Variants in RFX2 observed in about 807,000 individuals in gnomAD.
RFX2 encodes regulatory factor X2.
In RFX2, 20 loss-of-function variants were observed where a neutral mutation model predicts 87.8. The observed-to-expected ratio is 0.23, with a 90% CI of 0.16 to 0.33. The LOEUF is 0.33. Among genes scored for constraint, RFX2 ranks in the 10% least tolerant of loss-of-function variants. RFX2 has a pLI of 1.00. For synonymous variants in RFX2, 397 were observed against 431.3 expected (o/e 0.92, Z 0.98); for missense variants, 767 against 1,012.3 (o/e 0.76, Z 3.29).
At chr19:6,058,798 T>C (rs1051078037) in intron 1 of RFX2, among the ~76,000 whole-genome samples, 2 of 152,116 alleles carry the variant, frequency 1.3e-5, no homozygotes, top group African/African-American at 4.8e-5. Context: ...CCTTGACAAC[T>C]GGCCTGAGAA....
chr19:6,097,004 G>T (rs2088039532), intron 1 of RFX2, among the ~76,000 whole-genome samples: 1 of 152,208 alleles, frequency 6.6e-6, no homozygotes, highest in African/African-American at 2.4e-5. Flanking sequence ...GCATGAGAGG[G>T]TCTGAACTGG....
intron 1 of RFX2, among the ~76,000 whole-genome samples, chr19:6,087,740 G>A (rs2087873126): frequency 6.6e-6 from 1 of 152,158 alleles, no homozygotes; most frequent in Non-Finnish European, 1.5e-5. Context: ...GGAGGTTTCA[G>A]CTCCAAATCA....
Position 6,013,075 on chromosome 19 carries a change from A to T in RFX2, c.810T>A (p.Ile270=). Residue 270 remains isoleucine (I), a synonymous_variant, in exon 8 of 18, where the codon ATT becomes ATA. Coordinates refer to ENST00000303657, the MANE Select transcript of RFX2 (RefSeq NM_000635.4). This position sits in a 1 kb window ranked among gnomAD's most constrained non-coding sequence, Gnocchi z 4.1. ...RGNSKYHYYG[I]RLKPDSPLNR... Reference sequence around the variant, plus strand: ...TCAGTGGTGAGTCCGGCTTCAGACGAATCCCATAGTAATGGTACTTCGAGT... The same window carrying T: ...TCAGTGGTGAGTCCGGCTTCAGACGTATCCCATAGTAATGGTACTTCGAGT... 6.3e-7 allele frequency: 1 copy of T among 1,599,512 alleles called. No homozygotes were observed. Among genetic ancestry groups the T allele is most frequent in the East Asian group, 2.3e-5 (1 of 43,836 alleles).
chr19:6,045,133 C>T lies in RFX2; in HGVS notation c.91-851G>A, dbSNP rs891284935. The stretch of plus-strand genomic sequence containing the variant: ...AGCAGTGACTGCCATATATACATCA[C>T]GAGGGGTGATGGGTGAGGACACGCC... On this transcript the variant is annotated intron_variant, in intron 2 of 17. Transcript: ENST00000303657. This position sits in a 1 kb window ranked among gnomAD's most constrained non-coding sequence, Gnocchi z 5.2. Among the ~76,000 whole-genome samples the T allele has an allele frequency of 4.6e-5, 7 of 152,138 alleles. No individual in the cohort carries two copies. Among genetic ancestry groups the T allele is most frequent in the African/African-American group, 1.4e-4 (6 of 41,430 alleles).
In RFX2 at chr19:5,997,278, A is replaced by T. The variant is rs2086426440; in HGVS notation, c.1860-65T>A. The T allele has an allele frequency of 6.7e-7, 1 of 1,490,322 alleles. No homozygotes were observed. The highest frequency in any genetic ancestry group is 1.4e-5 in the African/African-American group (1 of 71,936). 92.3% of individuals were successfully genotyped at this position (1,490,322 alleles called of 1,614,324 possible). On this transcript the variant is annotated intron_variant, in intron 15 of 17. Transcript: ENST00000303657. This position sits in a 1 kb window ranked among gnomAD's most constrained non-coding sequence, Gnocchi z 4.2. Reference sequence around the variant, plus strand: ...GCATGGAACCCGGGCCCCAGGCCAGACTTCATGGCAGCAACACACCCCCTG... The same window carrying T: ...GCATGGAACCCGGGCCCCAGGCCAGTCTTCATGGCAGCAACACACCCCCTG...
rs191834693 is a variant in RFX2, at chr19:6,082,657, T to A, written c.-9+27736A>T. On this transcript the variant is annotated intron_variant, in intron 1 of 17. Transcript: ENST00000303657. ...CATGTTGCCCAGACTGGTCTTGAAC[T>A]CCAGGGCTCATGGGATCCGCCCACT... 4.6e-5 allele frequency among the ~76,000 whole-genome samples: 7 copies of A among 152,310 alleles called. No individual in the cohort carries two copies. The East Asian group carries it at 1.4e-3, about 29-fold the overall frequency.
chr19:6,018,933 C>A (rs1040722842), intron 6 of RFX2, among the ~76,000 whole-genome samples: 5 of 152,206 alleles, frequency 3.3e-5, no homozygotes, highest in Admixed American at 1.3e-4. Context: ...GTTCCCTGGC[C>A]GCCCCTGAAT....
rs370249419 is a variant in RFX2, at chr19:6,040,130, C to T, written c.372G>A (p.Pro124=). Residue 124 remains proline (P), a synonymous_variant, in exon 5 of 18, where the codon CCG becomes CCA. Transcript: ENST00000303657. This position sits in a 1 kb window ranked among gnomAD's most constrained non-coding sequence, Gnocchi z 6.1. ...GAQVTVAASS[P]PAVPSHSMVG... ...CCATGCTGTGGGAGGGGACCGCTGG[C>T]GGGGACGAGGCTGCCACGGTCACCT... is the stretch of plus-strand genomic sequence containing the variant. The T allele has an allele frequency of 9.6e-5, 154 of 1,609,560 alleles. No homozygotes were observed. The highest frequency in any genetic ancestry group is 1.1e-4 in the Non-Finnish European group (133 of 1,177,730).
rs201227349 is a variant in RFX2 at position 6,007,715 on chromosome 19, C to G, written c.1222G>C (p.Asp408His). 61 of 1,554,608 alleles carry G rather than the reference C, an allele frequency of 3.9e-5. 1 individual carries two copies. The East Asian group carries it at 5.1e-4, about 13-fold the overall frequency. ...SFWNSKASSS[D>H]GPTSLPASDE... ...CTGGCAGGAAGAGAGGTGGGGCCGT[C>G]GCTGGAGGAGGCCTTAGAGTTCCAG... is the stretch of plus-strand genomic sequence containing the variant. Residue 408 changes from aspartate (D) to histidine (H), a missense_variant, in exon 11 of 18, where the codon GAC becomes CAC. Asp to His is a moderately conservative substitution (Grantham distance 81). Around this residue, in one of 2 missense-constraint regions of RFX2, gnomAD observed 621 missense variants for 873.0 expected, o/e 0.71. Transcript: ENST00000303657. The surrounding 1 kb of genome is among the most constrained non-coding windows in gnomAD (Gnocchi z 8.2).
intron 1 of RFX2, among the ~76,000 whole-genome samples, chr19:6,106,231 C>CCATCCATG (rs1200112045): frequency 1.6e-5 from 1 of 63,992 alleles, no homozygotes; most frequent in African/African-American, 1.3e-4. Flanking sequence ...ATCGGCCTGC[C>CCATCCATG]CATCCATCCA....
At position 6,013,123 on chromosome 19, in the gene RFX2, C is replaced by T. The variant is rs1257255075; in HGVS notation, c.780-18G>A. 5.1e-6 allele frequency: 8 copies of T among 1,579,260 alleles called. No homozygotes were observed. The highest frequency in any genetic ancestry group is 3.4e-4 in the Middle Eastern group (2 of 5,946). On this transcript the variant is annotated intron_variant, in intron 7 of 17. Transcript: ENST00000303657. The surrounding 1 kb of genome is among the most constrained non-coding windows in gnomAD (Gnocchi z 4.1). ...AGTTGCCCCTGGAAACCAAACATCC[C>T]AGGGTCAGCTCCCTTTGCAGATGTC...
At chr19:6,073,269 C>T (rs545874921) in intron 1 of RFX2, 39 of 790,230 alleles carry the variant, frequency 4.9e-5, no homozygotes, top group Admixed American at 3.1e-4. Context: ...CATGAGCCAC[C>T]GCGCCTGCAA....
chr19:6,068,690 T>G (rs2087549247), intron 1 of RFX2, among the ~76,000 whole-genome samples: 1 of 152,108 alleles, frequency 6.6e-6, no homozygotes, highest in African/African-American at 2.4e-5. Flanking sequence ...GGCTTGAAAC[T>G]GGAGCTGAGT....
At chr19:6,009,810 C>T (rs764774052) in intron 9 of RFX2, among the ~76,000 whole-genome samples, 4 of 152,226 alleles carry the variant, frequency 2.6e-5, no homozygotes, top group African/African-American at 4.8e-5. Context: ...AAGTGATCCT[C>T]CCGCCTTGGC....
At position 6,019,512 on chromosome 19, in the gene RFX2, A is replaced by ATGTGTGTGTGTGTG. The variant is rs147877773; in HGVS notation, c.598-3255_598-3242dup. 1.0e-3 allele frequency among the ~76,000 whole-genome samples: 128 copies of ATGTGTGTGTGTGTG among 126,996 alleles called. 2 individuals carry two copies. The highest frequency in any genetic ancestry group is 3.7e-3 in the African/African-American group (116 of 31,552). The allele number at this position is 126,996 out of a possible 152,430, so 83.3% of individuals were successfully genotyped here. A position where few individuals can be genotyped will look rare whatever the true frequency, so the allele number is the denominator to read the frequency against. On this transcript the variant is annotated intron_variant, in intron 6 of 17. Coordinates refer to ENST00000303657, the MANE Select transcript of RFX2 (RefSeq NM_000635.4). Reference sequence around the variant, plus strand: ...TTGATGTTGAAGTTAGTGTGTGAGTATGTGTGTGTGTGTGTGTGTGTGTGT... The same window carrying ATGTGTGTGTGTGTG: ...TTGATGTTGAAGTTAGTGTGTGAGTATGTGTGTGTGTGTGTGTGTGTGTGTGTGTGTGTGTGTGT...
intron 5 of RFX2, among the ~76,000 whole-genome samples, chr19:6,031,385 TAAATGA>T (rs1346066966): frequency 6.8e-6 from 1 of 146,008 alleles, no homozygotes; most frequent in Non-Finnish European, 1.5e-5. Context: ...AGGACATTCT[TAAATGA>T]AACTAGTATT....
Position 6,063,965 on chromosome 19 carries a change from C to T in RFX2, c.-8-16461G>A, listed in dbSNP as rs530371579. On this transcript the variant is annotated intron_variant, in intron 1 of 17. Transcript: ENST00000303657. The surrounding 1 kb of genome is among the most constrained non-coding windows in gnomAD (Gnocchi z 4.0). The stretch of plus-strand genomic sequence containing the variant: ...ATTTCCAGATTCACCAAACCACTCT[C>T]CGTGCTTGTCCCCTCAGATTACTTC... Among the ~76,000 whole-genome samples, 11 of 152,360 alleles carry T rather than the reference C, an allele frequency of 7.2e-5. No individual in the cohort carries two copies. In the South Asian group the frequency reaches 1.0e-3, roughly 14 times the overall value.
chr19:6,006,960 G>A, intron 12 of RFX2, 52 bp downstream of exon 12: 2 of 1,591,876 alleles, frequency 1.3e-6, no homozygotes, highest in East Asian at 2.2e-5. Context: ...AAGGACAGAG[G>A]AGGCAGGAAG....
In RFX2 at chr19:6,020,704, C is replaced by T. The variant is rs1264821703; in HGVS notation, c.598-4433G>A. Among the ~76,000 whole-genome samples the T allele has an allele frequency of 6.6e-6, 1 of 152,240 alleles. No individual in the cohort carries two copies. The highest frequency in any genetic ancestry group is 1.5e-5 in the Non-Finnish European group (1 of 68,038). ...TCCCCTGCTCTTGAGGGCTCGGGTA[C>T]CTTCATGCCAGGAAAGGCAGCAGCT... is the stretch of plus-strand genomic sequence containing the variant. On this transcript the variant is annotated intron_variant, in intron 6 of 17. Coordinates refer to ENST00000303657, the MANE Select transcript of RFX2 (RefSeq NM_000635.4). This position sits in a 1 kb window ranked among gnomAD's most constrained non-coding sequence, Gnocchi z 5.3.
Sources: allele counts gnomAD v4.1 joint callset (sites outside exome capture counted in the v4.1 genomes callset), GRCh38; gene constraint gnomAD v4.1.1; regional missense constraint gnomAD v4.1.1; non-coding constraint Gnocchi (gnomAD v3.1); transcripts MANE v1.5; gene names NCBI Gene and HGNC (gene_info 2026-07-23, HGNC 2026-07-21).